The following LRRIQ1 variants were observed in gnomAD, a reference collection of about 807,000 sequenced individuals.
The protein encoded by LRRIQ1 is leucine-rich repeat- and IQ domain-containing protein 1.
In LRRIQ1, 210 loss-of-function variants were observed where a neutral mutation model predicts 211.9. The observed-to-expected ratio is 0.99, with a 90% CI of 0.89 to 1.11. The LOEUF is 1.11. Among genes scored for constraint, LRRIQ1 ranks in the 50% most tolerant of loss-of-function variants. The pLI is 0.00. For synonymous variants in LRRIQ1, 699 were observed against 650.1 expected (o/e 1.08, Z -1.14); for missense variants, 2,136 against 1,939.5 (o/e 1.10, Z -1.90).
At chr12:85,153,573 A>T (rs1390777508) in intron 21 of LRRIQ1, 90 bp from the exon 22 acceptor site, 1 of 793,450 alleles carries the variant, frequency 1.3e-6, no homozygotes, top group African/African-American at 1.9e-5. Context: ...TTTATTTCCA[A>T]GTTTGAGACA....
intron 26 of LRRIQ1, among the ~76,000 whole-genome samples, chr12:85,236,392 A>G (rs1895173707): frequency 6.6e-6 from 1 of 152,178 alleles, no homozygotes; most frequent in African/African-American, 2.4e-5. Context: ...TCTTTCAGGT[A>G]ACCCAATGAA....
chr12:85,206,444 C>T (rs1004608338), intron 24 of LRRIQ1, among the ~76,000 whole-genome samples: 1 of 152,102 alleles, frequency 6.6e-6, no homozygotes, highest in Non-Finnish European at 1.5e-5. Context: ...GCAATGGCAG[C>T]ACAGTGGTGC....
In LRRIQ1 at chr12:85,250,852, AAT is replaced by A. The variant is rs1189038685; in HGVS notation, c.121+5950_121+5951del. Reference sequence around the variant, plus strand: ...ATAGATTATATATTATATTATATATAATATATATTATAGATTATATATTATAT... The same window carrying A: ...ATAGATTATATATTATATTATATATAATATATTATAGATTATATATTATAT... On this transcript the variant is annotated intron_variant, in intron 1 of 1. Coordinates refer to the LRRIQ1 transcript ENST00000602731. Among the ~76,000 whole-genome samples the A allele has an allele frequency of 8.1e-5, 9 of 110,578 alleles. No homozygotes were observed. In the South Asian group the frequency reaches 1.7e-3, roughly 20 times the overall value. 72.5% of individuals were successfully genotyped at this position (110,578 alleles called of 152,430 possible).
At chr12:85,140,651 C>G (rs570724848) in intron 19 of LRRIQ1, among the ~76,000 whole-genome samples, 1 of 151,052 alleles carries the variant, frequency 6.6e-6, no homozygotes, top group Non-Finnish European at 1.5e-5. Context: ...TATTAGCAAG[C>G]GTCTTTTTCT....
intron 18 of LRRIQ1, among the ~76,000 whole-genome samples, chr12:85,130,381 G>A (rs552675869): frequency 3.3e-4 from 50 of 152,256 alleles, no homozygotes; most frequent in African/African-American, 1.1e-3. Context: ...CCAAACTCCC[G>A]CCTGTCATCG....
downstream of LRRIQ1, among the ~76,000 whole-genome samples, chr12:85,247,808 G>A (rs1291996910): frequency 6.6e-6 from 1 of 150,578 alleles, no homozygotes; most frequent in Admixed American, 6.7e-5. Flanking sequence ...AATAAGACCA[G>A]GAGGAGTATA....
At chr12:85,251,220 G>C (rs1215977383) in intron 1 of LRRIQ1, among the ~76,000 whole-genome samples, 1 of 150,776 alleles carries the variant, frequency 6.6e-6, no homozygotes, top group Non-Finnish European at 1.5e-5. Context: ...GAGAAATTGA[G>C]GAAAAGCATA....
intron 24 of LRRIQ1, among the ~76,000 whole-genome samples, chr12:85,175,701 T>A (rs1891665324): frequency 6.6e-6 from 1 of 152,136 alleles, no homozygotes; most frequent in Non-Finnish European, 1.5e-5. Context: ...AAGGAAGGGA[T>A]CCAGTTTCAG....
intron 15 of LRRIQ1, 108 bp from the exon 16 acceptor site, chr12:85,121,589 G>C: frequency 1.3e-6 from 1 of 761,686 alleles, no homozygotes; most frequent in South Asian, 5.1e-5. Flanking sequence ...CATTTTCTGA[G>C]ATATATATCC....
At chr12:85,131,547 T>C (rs1421177812) in intron 18 of LRRIQ1, among the ~76,000 whole-genome samples, 2 of 152,138 alleles carry the variant, frequency 1.3e-5, no homozygotes, top group Non-Finnish European at 2.9e-5. Flanking sequence ...ATTCCAGGTA[T>C]AAAGGACAGT....
In LRRIQ1 at chr12:85,104,046, A is replaced by C; in HGVS notation, c.3252A>C (p.Glu1084Asp). The part of the protein sequence containing the change: ...IVPLFHFVSL[E>D]KLDVSHNCLS... ...CACTTTTTCATTTTGTTTCATTGGAAAAGCTAGATGTCAGCCACAATTGTC... is the reference window on the plus strand; with the variant it reads ...CACTTTTTCATTTTGTTTCATTGGACAAGCTAGATGTCAGCCACAATTGTC... Residue 1084 changes from glutamate (E) to aspartate (D), a missense_variant, in exon 14 of 27, where the codon GAA (glutamate) becomes GAC (aspartate). Glu to Asp is a conservative substitution (Grantham distance 45). Coordinates refer to ENST00000393217, the MANE Select transcript of LRRIQ1 (RefSeq NM_001079910.2). The C allele has an allele frequency of 6.4e-7, 1 of 1,566,894 alleles. No homozygotes were observed. Among genetic ancestry groups the C allele is most frequent in the Non-Finnish European group, 8.7e-7 (1 of 1,156,058 alleles).
At chr12:85,058,235 A>G (rs936239961) in intron 8 of LRRIQ1, among the ~76,000 whole-genome samples, 1 of 152,020 alleles carries the variant, frequency 6.6e-6, no homozygotes, top group African/African-American at 2.4e-5. Context: ...GAGAACTGGG[A>G]CATACACTTT....
rs952847019 is a variant in LRRIQ1 at position 85,260,744 on chromosome 12, T to C, written c.122-2171T>C. 5.9e-5 allele frequency among the ~76,000 whole-genome samples: 9 copies of C among 152,294 alleles called. No homozygotes were observed. In the East Asian group the frequency reaches 1.5e-3, roughly 26 times the overall value. ...CTGAGGCAAGATGAGGGTTTACTATTACTTTTATTGTTTTTTAAAATGGAC... is the reference window on the plus strand; with the variant it reads ...CTGAGGCAAGATGAGGGTTTACTATCACTTTTATTGTTTTTTAAAATGGAC... On this transcript the variant is annotated intron_variant, in intron 1 of 1. Coordinates refer to the LRRIQ1 transcript ENST00000602731.
the LRRIQ1 span, among the ~76,000 whole-genome samples, chr12:85,270,679 A>G: frequency 3.3e-5 from 5 of 152,168 alleles, no homozygotes; most frequent in South Asian, 6.2e-4. Flanking sequence ...TTTAAAATAT[A>G]TAACAACAAC....
At position 85,145,393 on chromosome 12, in the gene LRRIQ1, G is replaced by A. The variant is rs543798669; in HGVS notation, c.4330-6887G>A. On this transcript the variant is annotated intron_variant, in intron 19 of 26. Transcript: ENST00000393217. ...TGAAATGTGATTTCATTTAACAAGT[G>A]ATTAACCACGAACACTTACAACCAA... Among the ~76,000 whole-genome samples the A allele has an allele frequency of 8.6e-5, 13 of 151,678 alleles. No individual in the cohort carries two copies. In the South Asian group the frequency reaches 2.7e-3, roughly 31 times the overall value.
chr12:85,130,718 C>T (rs1479236618), intron 18 of LRRIQ1, among the ~76,000 whole-genome samples: 1 of 152,130 alleles, frequency 6.6e-6, no homozygotes, highest in East Asian at 1.9e-4. Context: ...ACTGCCTAAA[C>T]ATTCTGAGGG....
intron 11 of LRRIQ1, among the ~76,000 whole-genome samples, chr12:85,081,599 T>C (rs1884292179): frequency 6.6e-6 from 1 of 152,130 alleles, no homozygotes; most frequent in African/African-American, 2.4e-5. Flanking sequence ...TAAAGGTGTG[T>C]GTGTTGCAGG....
chr12:85,092,242 T>C (rs1885468487), intron 11 of LRRIQ1, among the ~76,000 whole-genome samples: 1 of 152,100 alleles, frequency 6.6e-6, no homozygotes, highest in Admixed American at 6.6e-5. Context: ...GTGGCAGGCT[T>C]TATGGTGTCA....
chr12:85,249,291 T>C (rs1895830129), downstream of LRRIQ1, among the ~76,000 whole-genome samples: 1 of 151,838 alleles, frequency 6.6e-6, no homozygotes, highest in African/African-American at 2.4e-5. Context: ...CACATTTCAA[T>C]AATATAATTT....
Sources: gnomAD v4.1 joint callset for allele counts (sites outside exome capture counted in the v4.1 genomes callset) on GRCh38, gnomAD v4.1.1 for gene constraint, MANE v1.5 for transcripts, NCBI Gene and HGNC (gene_info 2026-07-23, HGNC 2026-07-21) for gene names.